Variants in ARHGEF4 observed in about 807,000 individuals in gnomAD.
ARHGEF4 encodes APC-stimulated guanine nucleotide exchange factor 1.
ARHGEF4 carries 119 observed loss-of-function variants against 162.0 expected under a neutral mutation model. The ratio of observed to expected loss-of-function variants is 0.73; its 90% confidence interval spans 0.63 to 0.86. The LOEUF (loss-of-function observed/expected upper bound fraction) is 0.86. Ranked by LOEUF, ARHGEF4 falls within the 40% of genes least tolerant of loss-of-function variation. The pLI, the probability that ARHGEF4 is intolerant of heterozygous loss-of-function variation, is 0.00. For synonymous variants in ARHGEF4, 1,014 were observed against 979.9 expected, an observed-to-expected ratio of 1.03 and a Z score of -0.65; for missense variants, 2,488 against 2,456.0, an observed-to-expected ratio of 1.01 and a Z score of -0.28.
chr2:130,964,158 C>T (rs1482659197), intron 4 of ARHGEF4: 2 of 984,926 alleles, frequency 2.0e-6, no homozygotes, highest in Non-Finnish European at 2.4e-6. Context: ...ACAGCAGCGG[C>T]GTGGTGTGTG....
intron 1 of ARHGEF4, among the ~76,000 whole-genome samples, chr2:130,854,916 G>A (rs969026403): frequency 2.0e-5 from 3 of 151,162 alleles, no homozygotes; most frequent in Admixed American, 6.6e-5. Context: ...CTCTGTCGCC[G>A]AGGCTGGAGT....
chr2:130,917,114 C>T lies in ARHGEF4; in HGVS notation c.3168C>T (p.Pro1056=), dbSNP rs1192625038. Residue 1056 remains proline (P), a synonymous_variant, in exon 2 of 14, where the codon CCC becomes CCT. Coordinates refer to ENST00000409359, the MANE Select transcript of ARHGEF4 (RefSeq NM_001367493.1). ...CGGAAAAGTCCTGGCTGGCGTCCCC[C>T]GGCAGCCCTCGGGCCCAGCAGGCTG... is the stretch of plus-strand genomic sequence containing the variant. ...IFPEKSWLAS[P]GSPRAQQAGI... 1.3e-6 allele frequency: 2 copies of T among 1,550,452 alleles called. No individual in the cohort carries two copies. The highest frequency in any genetic ancestry group is 2.4e-5 in the East Asian group (1 of 40,892).
chr2:131,043,791 C>T (rs542568547), intron 11 of ARHGEF4: 11 of 626,004 alleles, frequency 1.8e-5, no homozygotes, highest in East Asian at 1.2e-4. Context: ...CTGACCAGGC[C>T]GGGTGCTGTT....
intron 4 of ARHGEF4, among the ~76,000 whole-genome samples, chr2:130,962,523 G>A (rs1684687978): frequency 6.6e-6 from 1 of 152,116 alleles, no homozygotes; most frequent in Non-Finnish European, 1.5e-5. Context: ...GATACTAGAG[G>A]TCTCACAAGG....
chr2:130,899,579 G>A (rs1307706562), intron 1 of ARHGEF4, among the ~76,000 whole-genome samples: 1 of 152,228 alleles, frequency 6.6e-6, no homozygotes, highest in Non-Finnish European at 1.5e-5. Context: ...AAGCACACTG[G>A]AAGGCAGACG....
At chr2:130,920,939 A>G (rs534824721) in intron 2 of ARHGEF4, among the ~76,000 whole-genome samples, 3 of 152,158 alleles carry the variant, frequency 2.0e-5, no homozygotes, top group Non-Finnish European at 4.4e-5. Context: ...GTAGACATAT[A>G]TTGTCAACAG....
At chr2:130,981,449 G>A (rs374262497) in intron 4 of ARHGEF4, among the ~76,000 whole-genome samples, 3 of 152,050 alleles carry the variant, frequency 2.0e-5, no homozygotes, top group South Asian at 2.1e-4. Flanking sequence ...TCCCAAGGTC[G>A]GGGGATCGAG....
chr2:130,929,191 T>G (rs4241178), intron 2 of ARHGEF4, among the ~76,000 whole-genome samples: 123,638 of 152,154 alleles, frequency 0.81, 51,779 homozygotes, highest in East Asian at 1. Flanking sequence ...TGGGGAGAAA[T>G]AACTAGCTGA....
chr2:130,905,019 C>T (rs1680732781), intron 1 of ARHGEF4, among the ~76,000 whole-genome samples: 1 of 152,206 alleles, frequency 6.6e-6, no homozygotes, highest in Admixed American at 6.5e-5. Flanking sequence ...GCAGAGGTTG[C>T]AGTGAGCTAA....
chr2:130,845,012 C>CT (rs922705576), intron 1 of ARHGEF4, among the ~76,000 whole-genome samples: 3 of 151,514 alleles, frequency 2.0e-5, no homozygotes, highest in Admixed American at 6.6e-5. Flanking sequence ...TTAGTAGAGA[C>CT]TGAGTTTCAC....
intron 4 of ARHGEF4, among the ~76,000 whole-genome samples, chr2:130,969,108 C>G (rs970121993): frequency 1.3e-5 from 2 of 152,072 alleles, no homozygotes; most frequent in South Asian, 2.1e-4. Context: ...TTAGCCCAGC[C>G]TACCTTAAAT....
intron 1 of ARHGEF4, among the ~76,000 whole-genome samples, chr2:130,892,193 C>T (rs941521849): frequency 6.6e-6 from 1 of 152,130 alleles, no homozygotes; most frequent in Non-Finnish European, 1.5e-5. Flanking sequence ...TCAGCCTTGA[C>T]CTAGTGGTCT....
Position 131,004,228 on chromosome 2 carries a change from C to T in ARHGEF4, c.3986-23717C>T, listed in dbSNP as rs192602612. ...TCGCTCGGGCTGGAGTGCAATGGCA[C>T]GATCTCGACTCACTGCAAGCTCCAC... On this transcript the variant is annotated intron_variant, in intron 4 of 13. Coordinates refer to ENST00000409359, the MANE Select transcript of ARHGEF4 (RefSeq NM_001367493.1). Among the ~76,000 whole-genome samples the T allele has an allele frequency of 9.3e-4, 141 of 152,296 alleles. 1 individual carries two copies. Among genetic ancestry groups the T allele is most frequent in the African/African-American group, 3.2e-3 (133 of 41,560 alleles).
chr2:131,026,967 C>T (rs573019238), intron 4 of ARHGEF4, among the ~76,000 whole-genome samples: 1 of 152,330 alleles, frequency 6.6e-6, no homozygotes, highest in East Asian at 1.9e-4. Context: ...GTAAGCAATA[C>T]ACAATACATT....
rs1196065851 is a variant in ARHGEF4 at position 130,916,840 on chromosome 2, A to G, written c.2894A>G (p.Lys965Arg). The G allele has an allele frequency of 6.5e-7, 1 of 1,550,380 alleles. No homozygotes were observed. Among genetic ancestry groups the G allele is most frequent in the Non-Finnish European group, 8.7e-7 (1 of 1,146,946 alleles). The change falls in exon 2 of 14, where the codon AAA (lysine) becomes AGA (arginine). Residue 965 changes from lysine to arginine, a missense_variant. Physicochemically the swap from Lys to Arg is conservative, Grantham distance 26. Transcript: ENST00000409359. ...FLKSKDAGSP[K>R]KPTLVSLPLG... is the part of the protein sequence containing the mutation. ...AAAAGCAAAGATGCCGGAAGCCCCA[A>G]AAAGCCCACCCTAGTGAGTCTGCCT...
intron 4 of ARHGEF4, among the ~76,000 whole-genome samples, chr2:131,003,677 T>C (rs1382015505): frequency 6.6e-6 from 1 of 152,246 alleles, no homozygotes; most frequent in Admixed American, 6.5e-5. Context: ...CTTTCTGATC[T>C]CTCATTTAGT....
chr2:131,031,714 A>T (rs979421335), intron 5 of ARHGEF4, among the ~76,000 whole-genome samples: 1 of 151,798 alleles, frequency 6.6e-6, no homozygotes, highest in Non-Finnish European at 1.5e-5. Context: ...CCAGGAGTGT[A>T]CTCTCTTCTT....
rs1691150857 is a variant in ARHGEF4, at chr2:131,045,303, G to A, written c.5402-66G>A. 3 of 1,392,166 alleles carry A rather than the reference G, an allele frequency of 2.2e-6. No individual in the cohort carries two copies. In the South Asian group the frequency reaches 3.7e-5, roughly 17 times the overall value. 86.2% of individuals were successfully genotyped at this position (1,392,166 alleles called of 1,614,324 possible). On this transcript the variant is annotated intron_variant, in intron 12 of 13. Transcript: ENST00000409359. ...GACCCTGGGCACCAGGAAGGTGCAG[G>A]TGTGCAGGGAACTGCACCTGGGGCC...
chr2:130,908,458 C>T (rs1017482544), intron 1 of ARHGEF4, among the ~76,000 whole-genome samples: 3 of 152,080 alleles, frequency 2.0e-5, no homozygotes, highest in South Asian at 2.1e-4. Flanking sequence ...GGGTGGATCA[C>T]GAGGTCAGGA....
Sources: allele counts gnomAD v4.1 joint callset (sites outside exome capture counted in the v4.1 genomes callset), GRCh38; gene constraint gnomAD v4.1.1; transcripts MANE v1.5; gene names NCBI Gene and HGNC (gene_info 2026-07-23, HGNC 2026-07-21).